The following ANKRD13A variants were observed in gnomAD, a reference collection of about 807,000 sequenced individuals.
The protein encoded by ANKRD13A is ankyrin repeat domain-containing protein 13A.
In ANKRD13A, 48 loss-of-function variants were observed where a neutral mutation model predicts 81.3. The observed-to-expected ratio is 0.59, with a 90% confidence interval of 0.47 to 0.75. The LOEUF (loss-of-function observed/expected upper bound fraction) is 0.75. Among genes scored for constraint, ANKRD13A ranks in the 30% least tolerant of loss-of-function variants. The pLI is 0.00. For synonymous variants in ANKRD13A, 230 were observed against 270.1 expected (o/e 0.85, Z 1.45); for missense variants, 612 against 734.0 (o/e 0.83, Z 1.92).
At chr12:110,021,332 C>T (rs1891065546) in intron 6 of ANKRD13A, 1 of 245,368 alleles carries the variant, frequency 4.1e-6, no homozygotes, top group African/African-American at 2.2e-5. Flanking sequence ...TGTGAATTTA[C>T]TTCTGATCAG....
At position 110,019,265 on chromosome 12, in the gene ANKRD13A, A is replaced by G. The variant is rs756840160; in HGVS notation, c.671A>G (p.Glu224Gly). ...DLMKPKSREVERRLTSPVINT... is the reference protein window; with the variant it reads ...DLMKPKSREVGRRLTSPVINT... ...ATGAAGCCAAAAAGCAGGGAAGTTG[A>G]GCGGCGGCTCACAAGCCCTGTCATT... The change falls in exon 6 of 15, where the codon GAG becomes GGG. Residue 224 changes from glutamate to glycine, a missense_variant. By Grantham distance (98) the Glu-to-Gly change is moderately conservative. Coordinates refer to ENST00000261739, the MANE Select transcript of ANKRD13A (RefSeq NM_033121.2). 2 of 1,614,098 alleles carry G rather than the reference A, an allele frequency of 1.2e-6. No individual in the cohort carries two copies. The highest frequency in any genetic ancestry group is 3.3e-5 in the Admixed American group (2 of 60,016).
intron 3 of ANKRD13A, 88 bp from the exon 4 acceptor site, chr12:110,016,300 A>C: frequency 2.0e-6 from 2 of 977,914 alleles, no homozygotes; most frequent in Non-Finnish European, 2.9e-6. Flanking sequence ...TTTTTAACCC[A>C]GGGTTTTTAA....
rs1402518996 is a variant in ANKRD13A, at chr12:109,999,825, C to G, written c.96+41C>G. On this transcript the variant is annotated intron_variant, in intron 1 of 14. Coordinates refer to ENST00000261739, the MANE Select transcript of ANKRD13A (RefSeq NM_033121.2). This position sits in a 1 kb window ranked among gnomAD's most constrained non-coding sequence, Gnocchi z 4.3. ...GGGGTCCGTCTCCCGGTGGGGACTT[C>G]GGGGAATCGGGGGTCGTTTCGCCTC... is the stretch of plus-strand genomic sequence containing the variant. 2.7e-6 allele frequency: 4 copies of G among 1,475,668 alleles called. No individual in the cohort carries two copies. In the South Asian group the frequency reaches 5.1e-5, roughly 19 times the overall value. The allele number at this position is 1,475,668 out of a possible 1,614,324, so 91.4% of individuals were successfully genotyped here.
At position 110,025,734 on chromosome 12, in the gene ANKRD13A, C is replaced by T. The variant is rs751313743; in HGVS notation, c.802-8C>T. On this transcript the variant is annotated splice_region_variant and splice_polypyrimidine_tract_variant and intron_variant, in intron 7 of 14. Coordinates refer to ENST00000261739, the MANE Select transcript of ANKRD13A (RefSeq NM_033121.2). The stretch of plus-strand genomic sequence containing the variant: ...GTGTCACTGTTTTCTTTCGCATACA[C>T]CTCTCAGGTTTACACAGTAAACAAT... The T allele has an allele frequency of 1.2e-6, 2 of 1,603,822 alleles. No individual in the cohort carries two copies. The highest frequency in any genetic ancestry group is 2.3e-5 in the East Asian group (1 of 44,076).
chr12:110,015,414 C>T (rs1890738441), intron 3 of ANKRD13A, among the ~76,000 whole-genome samples: 1 of 152,204 alleles, frequency 6.6e-6, no homozygotes, highest in African/African-American at 2.4e-5. Context: ...TAGGTGGTTA[C>T]CCACATTTGC....
rs914465859 is a variant in ANKRD13A at position 110,018,659 on chromosome 12, T to C, written c.544+171T>C. On this transcript the variant is annotated intron_variant, in intron 5 of 14. Coordinates refer to ENST00000261739, the MANE Select transcript of ANKRD13A (RefSeq NM_033121.2). This position sits in a 1 kb window ranked among gnomAD's most constrained non-coding sequence, Gnocchi z 4.4. Reference sequence around the variant, plus strand: ...CTCTCCATCCCTGTCTTCGTTCTTGTCTGGCTAGCTCTCCTTCATGTGTCC... The same window carrying C: ...CTCTCCATCCCTGTCTTCGTTCTTGCCTGGCTAGCTCTCCTTCATGTGTCC... 2.0e-5 allele frequency among the ~76,000 whole-genome samples: 3 copies of C among 152,206 alleles called. No individual in the cohort carries two copies. Among genetic ancestry groups the C allele is most frequent in the African/African-American group, 7.2e-5 (3 of 41,456 alleles).
chr12:110,019,384 G>C, intron 6 of ANKRD13A, 56 bp downstream of exon 6: 2 of 1,470,984 alleles, frequency 1.4e-6, no homozygotes, highest in South Asian at 2.7e-5. Context: ...CATCTTGAGT[G>C]ACATGTATGT....
At chr12:110,005,193 C>A (rs906624076) in intron 1 of ANKRD13A, among the ~76,000 whole-genome samples, 28 of 151,870 alleles carry the variant, frequency 1.8e-4, no homozygotes, top group African/African-American at 6.5e-4. Flanking sequence ...ACTCTCTTGC[C>A]TAGGCTGGCA....
Position 110,027,884 on chromosome 12 carries a change from C to T in ANKRD13A, c.945+118C>T, listed in dbSNP as rs1891433531. The T allele has an allele frequency of 5.6e-6, 5 of 895,776 alleles. No individual in the cohort carries two copies. The South Asian group carries it at 7.2e-5, about 13-fold the overall frequency. The allele number at this position is 895,776 out of a possible 1,614,324, so 55.5% of individuals were successfully genotyped here. A position where few individuals can be genotyped will look rare whatever the true frequency, so the allele number is the denominator to read the frequency against. On this transcript the variant is annotated intron_variant, in intron 9 of 14. Coordinates refer to ENST00000261739, the MANE Select transcript of ANKRD13A (RefSeq NM_033121.2). ...ACTCTATGTAAAGGCCAAAGATACCCCCAAGCTGGAATTTGAGATACTCTT... is the reference window on the plus strand; with the variant it reads ...ACTCTATGTAAAGGCCAAAGATACCTCCAAGCTGGAATTTGAGATACTCTT...
intron 12 of ANKRD13A, among the ~76,000 whole-genome samples, chr12:110,031,386 C>G (rs1891682400): frequency 6.6e-6 from 1 of 150,720 alleles, no homozygotes. Flanking sequence ...GAGTCTCACT[C>G]TGTCACCTAG....
chr12:110,015,906 C>CTTT (rs2137116525), intron 3 of ANKRD13A, among the ~76,000 whole-genome samples: 1 of 151,388 alleles, frequency 6.6e-6, no homozygotes, highest in Admixed American at 6.6e-5. Flanking sequence ...AAATAACACT[C>CTTT]TAATATTTAA....
chr12:110,003,203 G>A (rs567635714), intron 1 of ANKRD13A, among the ~76,000 whole-genome samples: 8 of 152,302 alleles, frequency 5.3e-5, no homozygotes, highest in South Asian at 2.1e-4. Context: ...GGTTGTGTGA[G>A]GTGGAGGGTG....
At chr12:110,007,984 A>G (rs538502588) in intron 1 of ANKRD13A, among the ~76,000 whole-genome samples, 11 of 152,120 alleles carry the variant, frequency 7.2e-5, no homozygotes, top group Non-Finnish European at 1.5e-4. Flanking sequence ...GATGCTTTTT[A>G]TTTATTTTTC....
chr12:110,025,963 T>A, intron 8 of ANKRD13A, 140 bp downstream of exon 8: 23 of 581,398 alleles, frequency 4.0e-5, no homozygotes, highest in Non-Finnish European at 5.7e-5. Context: ...TCTCTCTCTC[T>A]CTTTTTTTTT....
chr12:110,001,826 G>A (rs1889995967), intron 1 of ANKRD13A, among the ~76,000 whole-genome samples: 1 of 152,154 alleles, frequency 6.6e-6, no homozygotes. Context: ...TATGACACAT[G>A]CCCTCAGACT....
chr12:110,016,494 G>A, intron 4 of ANKRD13A, 61 bp downstream of exon 4: 6 of 1,446,486 alleles, frequency 4.1e-6, no homozygotes, highest in Non-Finnish European at 5.6e-6. Flanking sequence ...CCGCATGTAG[G>A]TTTATTTTTC....
At chr12:110,024,156 C>G in intron 7 of ANKRD13A, 44 bp downstream of exon 7, 1 of 1,526,696 alleles carries the variant, frequency 6.6e-7, no homozygotes, top group African/African-American at 1.4e-5. Flanking sequence ...AGCTATTTAG[C>G]TTCTATGCAA....
chr12:110,025,683 GCTTA>G, intron 7 of ANKRD13A, 55 bp from the exon 8 acceptor site: 2 of 1,325,818 alleles, frequency 1.5e-6, no homozygotes, highest in Non-Finnish European at 1.1e-6. Context: ...CTTTTGCTGT[GCTTA>G]CTTTTGGAGT....
intron 12 of ANKRD13A, among the ~76,000 whole-genome samples, chr12:110,033,588 CGTT>C (rs1443945418): frequency 2.0e-5 from 3 of 151,866 alleles, no homozygotes; most frequent in Non-Finnish European, 4.4e-5. Context: ...TGACTGTGTT[CGTT>C]GTTTCCACTA....
Sources: allele counts gnomAD v4.1 joint callset (sites outside exome capture counted in the v4.1 genomes callset), GRCh38; gene constraint gnomAD v4.1.1; non-coding constraint Gnocchi (gnomAD v3.1); transcripts MANE v1.5; gene names NCBI Gene and HGNC (gene_info 2026-07-23, HGNC 2026-07-21).